RAB3GAP2: variants seen among roughly 807,000 people sequenced by gnomAD.
The protein encoded by RAB3GAP2 is rab3 GTPase-activating protein non-catalytic subunit.
In RAB3GAP2, 87 loss-of-function variants were observed where a neutral mutation model predicts 185.3. The observed-to-expected ratio is 0.47, with a 90% CI of 0.39 to 0.56. RAB3GAP2 has a LOEUF of 0.56. Ranked by LOEUF, RAB3GAP2 falls within the 20% of genes least tolerant of loss-of-function variation. The pLI is 0.00. For missense variants in RAB3GAP2, 1,492 were observed against 1,638.2 expected (o/e 0.91, Z 1.54); for synonymous variants, 554 against 576.1 (o/e 0.96, Z 0.55).
At chr1:220,210,618 C>T in intron 6 of RAB3GAP2, 129 bp from the exon 7 acceptor site, 1 of 967,214 alleles carries the variant, frequency 1.0e-6, no homozygotes. Flanking sequence ...TTTCAGAATA[C>T]AGCTCCTCTT....
chr1:220,167,920 T>G (rs1039750307), intron 24 of RAB3GAP2, among the ~76,000 whole-genome samples: 2 of 152,134 alleles, frequency 1.3e-5, no homozygotes, highest in Non-Finnish European at 2.9e-5. Flanking sequence ...TAGATAAATA[T>G]AAATGCACAT....
At chr1:220,257,160 C>T (rs771311961) in intron 1 of RAB3GAP2, among the ~76,000 whole-genome samples, 34 of 152,062 alleles carry the variant, frequency 2.2e-4, no homozygotes, top group Admixed American at 5.9e-4. Context: ...GGGCGGATCA[C>T]GAGGTCAGGA....
At position 220,151,240 on chromosome 1, in the gene RAB3GAP2, G is replaced by T. The variant is rs1657746419; in HGVS notation, c.*11C>A. 6.2e-7 allele frequency: 1 copy of T among 1,610,910 alleles called. No homozygotes were observed. The highest frequency in any genetic ancestry group is 1.1e-5 in the South Asian group (1 of 90,994). ...TAATCATAATTTTAGACTATTTCCA[G>T]TAGGTAAGTGTCATAAAGAAGGAAG... is the stretch of plus-strand genomic sequence containing the variant. On this transcript the variant is annotated 3_prime_UTR_variant, in exon 35 of 35. Transcript: ENST00000358951.
intron 4 of RAB3GAP2, among the ~76,000 whole-genome samples, chr1:220,211,908 T>C (rs181177071): frequency 1.6e-4 from 25 of 152,352 alleles, no homozygotes; most frequent in East Asian, 5.8e-4. Flanking sequence ...ATTTTGATGA[T>C]AGAGAATATT....
chr1:220,206,019 T>C lies in RAB3GAP2; in HGVS notation c.613-13A>G. 1.6e-6 allele frequency: 2 copies of C among 1,227,896 alleles called. No individual in the cohort carries two copies. The highest frequency in any genetic ancestry group is 2.2e-6 in the Non-Finnish European group (2 of 904,044). The allele number at this position is 1,227,896 out of a possible 1,614,324, so 76.1% of individuals were successfully genotyped here. ...TCAACTCTTCATTCTATTTAAGAAATAAAAAAAAAAAGTTCTTGAATAGAT... is the reference window on the plus strand; with the variant it reads ...TCAACTCTTCATTCTATTTAAGAAACAAAAAAAAAAAGTTCTTGAATAGAT... On this transcript the variant is annotated splice_polypyrimidine_tract_variant and intron_variant, in intron 7 of 34. Transcript: ENST00000358951.
At chr1:220,242,401 A>G (rs1217669325) in intron 1 of RAB3GAP2, among the ~76,000 whole-genome samples, 2 of 152,160 alleles carry the variant, frequency 1.3e-5, no homozygotes, top group African/African-American at 4.8e-5. Flanking sequence ...AAAGTGGTGT[A>G]TAATTTAGTG....
intron 1 of RAB3GAP2, among the ~76,000 whole-genome samples, chr1:220,241,338 A>G (rs1337906052): frequency 6.6e-6 from 1 of 152,112 alleles, no homozygotes; most frequent in Admixed American, 6.5e-5. Flanking sequence ...ATACTAAATG[A>G]GAAACTGAAA....
Position 220,210,429 on chromosome 1 carries a change from T to C in RAB3GAP2, c.571A>G (p.Arg191Gly). ...NEDPVLQLKC[R>G]TYEIPRHPGV... ...GGATGTCGTGGTATTTCATAGGTTC[T>C]GCATTTAAGTTGAAGTACTGGGTCC... Residue 191 changes from arginine to glycine, a missense_variant, in exon 7 of 35, where the codon AGA becomes GGA. Arg to Gly is a moderately radical substitution (Grantham distance 125). Coordinates refer to ENST00000358951, the MANE Select transcript of RAB3GAP2 (RefSeq NM_012414.4). 1 of 1,614,132 alleles carries C rather than the reference T, an allele frequency of 6.2e-7. No homozygotes were observed. The highest frequency in any genetic ancestry group is 8.5e-7 in the Non-Finnish European group (1 of 1,179,966).
intron 7 of RAB3GAP2, among the ~76,000 whole-genome samples, chr1:220,206,823 G>A (rs778906949): frequency 5.3e-5 from 8 of 152,120 alleles, no homozygotes; most frequent in Non-Finnish European, 1.2e-4. Context: ...TGTCATTCAG[G>A]TTTCAGTTCA....
At chr1:220,212,304 A>C (rs557569469) in intron 4 of RAB3GAP2, among the ~76,000 whole-genome samples, 120 of 152,368 alleles carry the variant, frequency 7.9e-4, no homozygotes, top group African/African-American at 2.8e-3. Context: ...CAGAGGGAAA[A>C]GACAAAATGT....
chr1:220,202,519 T>C (rs1658881877), intron 8 of RAB3GAP2, 145 bp from the exon 9 acceptor site: 3 of 830,678 alleles, frequency 3.6e-6, no homozygotes, highest in Admixed American at 2.2e-5. Flanking sequence ...TAAGGTGAGA[T>C]TTATTCACAC....
At chr1:220,171,202 A>G in intron 23 of RAB3GAP2, 82 bp from the exon 24 acceptor site, 1 of 1,209,754 alleles carries the variant, frequency 8.3e-7, no homozygotes, top group Non-Finnish European at 1.2e-6. Flanking sequence ...TTGAAAGCTG[A>G]TGGATACTGA....
intron 19 of RAB3GAP2, 106 bp downstream of exon 19, chr1:220,183,930 A>C: frequency 1.0e-6 from 1 of 990,412 alleles, no homozygotes; most frequent in Non-Finnish European, 1.5e-6. Context: ...ATACCTTTAA[A>C]GCTTTAAAAA....
At chr1:220,255,554 T>C (rs978588110) in intron 1 of RAB3GAP2, among the ~76,000 whole-genome samples, 3 of 152,192 alleles carry the variant, frequency 2.0e-5, no homozygotes, top group Admixed American at 6.5e-5. Context: ...CAGGAGCTGA[T>C]AGCCACAACA....
chr1:220,238,061 G>C (rs574633151), intron 1 of RAB3GAP2, among the ~76,000 whole-genome samples: 3 of 152,000 alleles, frequency 2.0e-5, no homozygotes, highest in Non-Finnish European at 4.4e-5. Context: ...GTTTAGTTTT[G>C]AGAAGGGGTC....
At chr1:220,167,251 A>G in intron 26 of RAB3GAP2, 42 bp downstream of exon 26, 1 of 1,543,496 alleles carries the variant, frequency 6.5e-7, no homozygotes, top group Non-Finnish European at 9.0e-7. Flanking sequence ...TAGCATGAAC[A>G]CAGAAGCAGA....
intron 1 of RAB3GAP2, among the ~76,000 whole-genome samples, chr1:220,270,076 C>T (rs1044402066): frequency 6.6e-6 from 1 of 152,196 alleles, no homozygotes; most frequent in Non-Finnish European, 1.5e-5. Flanking sequence ...GTTACCTCCA[C>T]CTTCTCAAAA....
At chr1:220,187,419 T>C (rs1187498717) in intron 17 of RAB3GAP2, among the ~76,000 whole-genome samples, 1 of 152,154 alleles carries the variant, frequency 6.6e-6, no homozygotes, top group African/African-American at 2.4e-5. Flanking sequence ...AGCTTCTTTT[T>C]TTCTAATGAG....
intron 2 of RAB3GAP2, among the ~76,000 whole-genome samples, chr1:220,231,105 T>G (rs1456447782): frequency 6.6e-6 from 1 of 152,262 alleles, no homozygotes; most frequent in Non-Finnish European, 1.5e-5. Context: ...ATCAGGTAAG[T>G]GTGGTTTTCC....
Sources: allele counts gnomAD v4.1 joint callset (sites outside exome capture counted in the v4.1 genomes callset), GRCh38; gene constraint gnomAD v4.1.1; transcripts MANE v1.5; gene names NCBI Gene and HGNC (gene_info 2026-07-23, HGNC 2026-07-21).